The following LRRC4C variants were observed in gnomAD, a reference collection of about 807,000 sequenced individuals.
LRRC4C encodes the protein leucine-rich repeat-containing protein 4C.
In LRRC4C, 5 loss-of-function variants were observed where a neutral mutation model predicts 33.6. That is an observed-to-expected ratio of 0.15 (90% CI 0.08 to 0.31). LRRC4C has a LOEUF of 0.31. Ranked by LOEUF, LRRC4C falls within the 10% of genes least tolerant of loss-of-function variation. The probability of loss-of-function intolerance (pLI) is 1.00; values close to 1 mark genes in which losing one functional copy is unlikely to be tolerated. For synonymous variants in LRRC4C, 329 were observed against 302.0 expected (o/e 1.09, Z -0.93); for missense variants, 560 against 796.7 (o/e 0.70, Z 3.58).
At chr11:41,434,854 C>G (rs1590268927) in intron 1 of LRRC4C, among the ~76,000 whole-genome samples, 1 of 152,186 alleles carries the variant, frequency 6.6e-6, no homozygotes. Flanking sequence ...TTATATCATG[C>G]TGGCTCAGCT....
intron 4 of LRRC4C, among the ~76,000 whole-genome samples, chr11:40,288,537 A>C (rs1313838578): frequency 6.6e-6 from 1 of 152,208 alleles, no homozygotes; most frequent in African/African-American, 2.4e-5. Flanking sequence ...TATTAAGGAA[A>C]TGGACAGAAA....
At chr11:40,810,044 C>T (rs958361739) in intron 2 of LRRC4C, among the ~76,000 whole-genome samples, 1 of 152,078 alleles carries the variant, frequency 6.6e-6, no homozygotes, top group African/African-American at 2.4e-5. Context: ...TTTTTAAAAC[C>T]TTTGTCTCTA....
In LRRC4C at chr11:40,259,729, C is replaced by T. The variant is rs1392481032; in HGVS notation, c.-175-18131G>A. Reference sequence around the variant, plus strand: ...CAAAGATCAGATAGTTGTAGATATGCGGCGTTATTTCTGAGGGCTCTGTTC... The same window carrying T: ...CAAAGATCAGATAGTTGTAGATATGTGGCGTTATTTCTGAGGGCTCTGTTC... On this transcript the variant is annotated intron_variant, in intron 4 of 6. Coordinates refer to ENST00000528697, the MANE Select transcript of LRRC4C (RefSeq NM_001258419.2). Among the ~76,000 whole-genome samples, 33 of 152,016 alleles carry T rather than the reference C, an allele frequency of 2.2e-4. 1 individual carries two copies. The highest frequency in any genetic ancestry group is 1.9e-3 in the East Asian group (10 of 5,158).
At chr11:40,374,675 A>C (rs536759163) in intron 3 of LRRC4C, among the ~76,000 whole-genome samples, 1 of 152,290 alleles carries the variant, frequency 6.6e-6, no homozygotes, top group East Asian at 1.9e-4. Context: ...GCATAGCAGA[A>C]ATTAGGAGAA....
intron 5 of LRRC4C, among the ~76,000 whole-genome samples, chr11:40,142,089 C>G (rs1326656408): frequency 6.6e-6 from 1 of 151,642 alleles, no homozygotes; most frequent in Non-Finnish European, 1.5e-5. Context: ...TCAAGACCAG[C>G]CTGGCAAACA....
intron 5 of LRRC4C, among the ~76,000 whole-genome samples, chr11:40,157,040 C>A (rs1211741470): frequency 1.3e-5 from 2 of 152,128 alleles, no homozygotes; most frequent in Admixed American, 6.5e-5. Flanking sequence ...GTCACCAAAA[C>A]AGAGTGGTAC....
chr11:41,247,226 A>G (rs531679078), intron 1 of LRRC4C, among the ~76,000 whole-genome samples: 11 of 152,364 alleles, frequency 7.2e-5, no homozygotes, highest in Admixed American at 7.2e-4. Context: ...TGATAGGACT[A>G]GAAACCCCTC....
intron 1 of LRRC4C, among the ~76,000 whole-genome samples, chr11:41,213,996 C>A (rs1669528084): frequency 6.6e-6 from 1 of 152,178 alleles, no homozygotes; most frequent in Admixed American, 6.5e-5. Context: ...CTAAATCTTT[C>A]ATTAGTAAAA....
At chr11:40,573,474 T>C (rs543390821) in intron 3 of LRRC4C, among the ~76,000 whole-genome samples, 12 of 152,314 alleles carry the variant, frequency 7.9e-5, no homozygotes, top group Admixed American at 5.9e-4. Context: ...CAAGCCTGTC[T>C]TCACTTCATC....
rs374889588 is a variant in LRRC4C at position 41,145,704 on chromosome 11, C to T, written c.-495-211981G>A. Among the ~76,000 whole-genome samples, 4 of 152,214 alleles carry T rather than the reference C, an allele frequency of 2.6e-5. No individual in the cohort carries two copies. In the South Asian group the frequency reaches 8.3e-4, roughly 32 times the overall value. On this transcript the variant is annotated intron_variant, in intron 1 of 6. Transcript: ENST00000528697. Reference sequence around the variant, plus strand: ...TGTCCATTTGAATATAAATACAGTGCCAGTACACTGCATGCCTCTTACCTA... The same window carrying T: ...TGTCCATTTGAATATAAATACAGTGTCAGTACACTGCATGCCTCTTACCTA...
intron 3 of LRRC4C, among the ~76,000 whole-genome samples, chr11:40,381,750 A>G (rs1246398080): frequency 6.6e-6 from 1 of 152,042 alleles, no homozygotes; most frequent in Non-Finnish European, 1.5e-5. Context: ...GCCAAGCATA[A>G]TACTGAATCT....
chr11:40,469,798 C>T lies in LRRC4C; in HGVS notation c.-269-150077G>A, dbSNP rs551650546. On this transcript the variant is annotated intron_variant, in intron 3 of 6. Transcript: ENST00000528697. ...GAACTGGGTGGAGCCCACCAGAGCTCGGCAAAGCTGCTGTAGCCAGACTGC... is the reference window on the plus strand; with the variant it reads ...GAACTGGGTGGAGCCCACCAGAGCTTGGCAAAGCTGCTGTAGCCAGACTGC... Among the ~76,000 whole-genome samples the T allele has an allele frequency of 5.3e-5, 8 of 152,268 alleles. No individual in the cohort carries two copies. In the East Asian group the frequency reaches 5.8e-4, roughly 11 times the overall value.
intron 1 of LRRC4C, among the ~76,000 whole-genome samples, chr11:41,252,064 G>A (rs1948656443): frequency 6.6e-6 from 1 of 152,126 alleles, no homozygotes; most frequent in Non-Finnish European, 1.5e-5. Flanking sequence ...TTTTAAGGTT[G>A]TAAGATGTCA....
intron 3 of LRRC4C, among the ~76,000 whole-genome samples, chr11:40,336,444 A>G (rs1243206421): frequency 6.6e-6 from 1 of 152,140 alleles, no homozygotes; most frequent in Non-Finnish European, 1.5e-5. Flanking sequence ...GCCGCAGGCT[A>G]CAGAAGTCAG....
intron 3 of LRRC4C, among the ~76,000 whole-genome samples, chr11:40,595,983 A>G (rs576939720): frequency 6.6e-6 from 1 of 152,254 alleles, no homozygotes; most frequent in East Asian, 1.9e-4. Flanking sequence ...CAGAGTGCCT[A>G]AGACACCAGA....
chr11:41,168,017 T>C (rs1283691054), intron 1 of LRRC4C, among the ~76,000 whole-genome samples: 1 of 152,160 alleles, frequency 6.6e-6, no homozygotes, highest in African/African-American at 2.4e-5. Context: ...CAGGGCAGCA[T>C]GGTTCTGTTA....
At chr11:41,304,839 G>A (rs1303450233) in intron 1 of LRRC4C, among the ~76,000 whole-genome samples, 1 of 89,862 alleles carries the variant, frequency 1.1e-5, no homozygotes, top group East Asian at 3.7e-4. Context: ...CCCCCCGCCC[G>A]GCCAGCCGCC....
intron 2 of LRRC4C, among the ~76,000 whole-genome samples, chr11:40,759,222 T>C (rs910085340): frequency 6.8e-6 from 1 of 147,400 alleles, no homozygotes; most frequent in Non-Finnish European, 1.5e-5. Flanking sequence ...TAATCGTCCA[T>C]ATATTATATT....
chr11:40,860,695 G>A (rs890131983), intron 2 of LRRC4C, among the ~76,000 whole-genome samples: 1 of 148,196 alleles, frequency 6.7e-6, no homozygotes, highest in African/African-American at 2.5e-5. Flanking sequence ...ACTCCTCCAG[G>A]ATAACCTCAT....
Sources: gnomAD v4.1 joint callset for allele counts (sites outside exome capture counted in the v4.1 genomes callset) on GRCh38, gnomAD v4.1.1 for gene constraint, MANE v1.5 for transcripts, NCBI Gene and HGNC (gene_info 2026-07-23, HGNC 2026-07-21) for gene names.